The following HOXB2 variants were observed in gnomAD, a reference collection of about 807,000 sequenced individuals.
The protein encoded by HOXB2 is homeobox B2, also known as homeobox protein Hox-B2.
In HOXB2, 14 loss-of-function variants were observed where a neutral mutation model predicts 13.1. The observed-to-expected ratio is 1.07, with a 90% CI of 0.71 to 1.67. The LOEUF is 1.67. HOXB2 is among the 40% of genes most tolerant of loss of function. The pLI, the probability that HOXB2 is intolerant of heterozygous loss-of-function variation, is 0.00. For synonymous variants in HOXB2, 261 were observed against 233.1 expected (o/e 1.12, Z -1.09); for missense variants, 582 against 488.3 (o/e 1.19, Z -1.81).
At position 48,543,319 on chromosome 17, in the gene HOXB2, T is replaced by A. The variant is rs1567936362; in HGVS notation, c.820A>T (p.Ser274Cys). Residue 274 changes from serine (S) to cysteine (C), a missense_variant, in exon 2 of 2, where the codon AGT (serine) becomes TGT (cysteine). Transcript: ENST00000330070. ...AVRLEGAGAS[S>C]PGCALRGAGG... ...GCCCCGCGCAGCGCGCAGCCGGGAC[T>A]CGACGCGCCTGCGCCCTCTAAGCGA... 6.3e-7 allele frequency: 1 copy of A among 1,599,746 alleles called. No homozygotes were observed. The highest frequency in any genetic ancestry group is 1.7e-5 in the Admixed American group (1 of 58,664).
rs1456488218 is a variant in HOXB2, at chr17:48,543,223, C to T, written c.916G>A (p.Asp306Asn). 1.2e-6 allele frequency: 2 copies of T among 1,613,422 alleles called. No individual in the cohort carries two copies. The highest frequency in any genetic ancestry group is 8.5e-7 in the Non-Finnish European group (1 of 1,179,984). ...GAGTCGGCCGCGAAGAAGTTGAGGTCGGGAAGGAAAGGTGAATCCTGGCGC... is the reference window on the plus strand; with the variant it reads ...GAGTCGGCCGCGAAGAAGTTGAGGTTGGGAAGGAAAGGTGAATCCTGGCGC... ...SGRQDSPFLP[D>N]LNFFAADSCL... Residue 306 changes from aspartate (D) to asparagine (N), a missense_variant, in exon 2 of 2, where the codon GAC becomes AAC. Transcript: ENST00000330070.
chr17:48,543,691 A>G lies in HOXB2; in HGVS notation c.448T>C (p.Tyr150His), dbSNP rs754734332. Residue 150 changes from tyrosine (Y) to histidine (H), a missense_variant, in exon 2 of 2, where the codon TAC becomes CAC. Tyr to His is a moderately conservative substitution (Grantham distance 83, BLOSUM62 2). Coordinates refer to ENST00000330070, the MANE Select transcript of HOXB2 (RefSeq NM_002145.4). The part of the protein sequence containing the change: ...GGGARRLRTA[Y>H]TNTQLLELEK... The stretch of plus-strand genomic sequence containing the variant: ...AGTTCCAGCAGCTGCGTGTTGGTGT[A>G]AGCCGTGCGCAGCCTGCGCGCCCCG... 1 of 1,612,238 alleles carries G rather than the reference A, an allele frequency of 6.2e-7. No individual in the cohort carries two copies.
rs1951076086 is a variant in HOXB2, at chr17:48,544,816, A to C, written c.96T>G (p.Phe32Leu). The change falls in exon 1 of 2, where the codon TTT becomes TTG. Residue 32 changes from phenylalanine to leucine, a missense_variant. By Grantham distance (22) the Phe-to-Leu change is conservative (BLOSUM62 0). Coordinates refer to ENST00000330070, the MANE Select transcript of HOXB2 (RefSeq NM_002145.4). ...LTSFPAVLET[F>L]QTSSIKESTL... ...TCGACTCCTTGATTGATGAAGTTTGAAATGTCTCCAAGACAGCGGGGAAGG... is the reference window on the plus strand; with the variant it reads ...TCGACTCCTTGATTGATGAAGTTTGCAATGTCTCCAAGACAGCGGGGAAGG... The C allele has an allele frequency of 6.2e-7, 1 of 1,614,006 alleles. No individual in the cohort carries two copies. The highest frequency in any genetic ancestry group is 1.7e-5 in the Admixed American group (1 of 60,008).
In HOXB2 at chr17:48,543,295, C is replaced by T. The variant is rs1290018998; in HGVS notation, c.844G>A (p.Ala282Thr). The change falls in exon 2 of 2, where the codon GCC (alanine) becomes ACC (threonine). Residue 282 changes from alanine to threonine, a missense_variant. Physicochemically the swap from Ala to Thr is moderately conservative, Grantham distance 58. Coordinates refer to ENST00000330070, the MANE Select transcript of HOXB2 (RefSeq NM_002145.4). The stretch of plus-strand genomic sequence containing the variant: ...AATGGCCCGGGCTCCAGCCCGCCGG[C>T]CCCGCGCAGCGCGCAGCCGGGACTC... Reference protein sequence around the residue: ...ASSPGCALRGAGGLEPGPLPE... With the variant: ...ASSPGCALRGTGGLEPGPLPE... 1 of 1,603,264 alleles carries T rather than the reference C, an allele frequency of 6.2e-7. No homozygotes were observed. Among genetic ancestry groups the T allele is most frequent in the East Asian group, 2.2e-5 (1 of 44,764 alleles).
At position 48,542,768 on chromosome 17, in the gene HOXB2, A is replaced by T; in HGVS notation, c.*300T>A. The T allele has an allele frequency of 3.9e-6, 1 of 259,266 alleles. No individual in the cohort carries two copies. The highest frequency in any genetic ancestry group is 7.2e-6 in the Non-Finnish European group (1 of 138,900). 16.1% of individuals were successfully genotyped at this position (259,266 alleles called of 1,614,324 possible). ...AAATAATCTACAGTCTAAAACATAA[A>T]AAAGAGGAAAATAGGTCCCTCTAGT... On this transcript the variant is annotated 3_prime_UTR_variant, in exon 2 of 2. Transcript: ENST00000330070.
intron 1 of HOXB2, 31 bp downstream of exon 1, chr17:48,544,490 C>T (rs747606831): frequency 6.4e-7 from 1 of 1,574,024 alleles, no homozygotes; most frequent in Non-Finnish European, 8.6e-7. Context: ...TTCTAGCTGC[C>T]CCTCACCCCA....
At position 48,543,500 on chromosome 17, in the gene HOXB2, G is replaced by A. The variant is rs560031603; in HGVS notation, c.639C>T (p.Ala213=). 142 of 1,612,528 alleles carry A rather than the reference G, an allele frequency of 8.8e-5. 1 individual carries two copies. The East Asian group carries it at 1.1e-3, about 13-fold the overall frequency. The change falls in exon 2 of 2, where the codon GCC becomes GCT. Residue 213 remains alanine, a synonymous_variant. Transcript: ENST00000330070. The part of the protein sequence containing the change: ...QHREPPDGEP[A]CPGALEDICD... ...AGATGTCCTCCAGGGCTCCCGGGCA[G>A]GCAGGCTCCCCATCCGGCGGCTCTC...
rs1047493884 is a variant in HOXB2 at position 48,545,093 on chromosome 17, G to A, written c.-182C>T. On this transcript the variant is annotated 5_prime_UTR_variant, in exon 1 of 2. In the 5' UTR this introduces an upstream ATG that the reference lacks. Coordinates refer to ENST00000330070, the MANE Select transcript of HOXB2 (RefSeq NM_002145.4). ...TTGTATATTGCTGATAAATACAAGC[G>A]TATGGGGACTCTCTCTATTAAACCC... 4 of 533,284 alleles carry A rather than the reference G, an allele frequency of 7.5e-6. No homozygotes were observed. Among genetic ancestry groups the A allele is most frequent in the Non-Finnish European group, 1.3e-5 (4 of 309,724 alleles). 33.0% of individuals were successfully genotyped at this position (533,284 alleles called of 1,614,324 possible).
chr17:48,544,986 A>ACC lies in HOXB2; in HGVS notation c.-77_-76dup, dbSNP rs138169880. The ACC allele has an allele frequency of 1.2e-3, 1,336 of 1,130,844 alleles. 2 individuals carry two copies. Among genetic ancestry groups the ACC allele is most frequent in the African/African-American group, 4.4e-3 (265 of 60,030 alleles). 70.1% of individuals were successfully genotyped at this position (1,130,844 alleles called of 1,614,324 possible). On this transcript the variant is annotated 5_prime_UTR_variant, in exon 1 of 2. Transcript: ENST00000330070. The stretch of plus-strand genomic sequence containing the variant: ...GGATCGGAAGGGACCCCCCTCCTGC[A>ACC]CCCCCCCCGATTTATGTAATGGAGC...
Position 48,542,731 on chromosome 17 carries a change from A to T in HOXB2, c.*337T>A. 1 of 189,750 alleles carries T rather than the reference A, an allele frequency of 5.3e-6. No individual in the cohort carries two copies. The highest frequency in any genetic ancestry group is 1.1e-5 in the Non-Finnish European group (1 of 93,368). 11.8% of individuals were successfully genotyped at this position (189,750 alleles called of 1,614,324 possible). ...ATACTTTCCCCTTTTCCTATTATTA[A>T]AGAATTTTAATAAATAATCTACAGT... On this transcript the variant is annotated 3_prime_UTR_variant, in exon 2 of 2. Coordinates refer to ENST00000330070, the MANE Select transcript of HOXB2 (RefSeq NM_002145.4).
Position 48,544,610 on chromosome 17 carries a change from TTC to T in HOXB2, c.300_301del (p.Lys101GlufsTer64), listed in dbSNP as rs775562631. ...TTGGCTGGGTTTCTTGGCGGATTTC[TTC>T]TCTTTCATCCAAGGGAACTCGGGGG... On this transcript the variant is annotated frameshift_variant, in exon 1 of 2. Coordinates refer to ENST00000330070, the MANE Select transcript of HOXB2 (RefSeq NM_002145.4). LOFTEE classifies it high-confidence loss of function. 4.3e-6 allele frequency: 7 copies of T among 1,610,592 alleles called. No homozygotes were observed. The highest frequency in any genetic ancestry group is 4.2e-6 in the Non-Finnish European group (5 of 1,179,918).
In HOXB2 at chr17:48,543,176, G is replaced by GC; in HGVS notation, c.962dup (p.Leu322ProfsTer4). 6.2e-7 allele frequency: 1 copy of GC among 1,613,938 alleles called. No homozygotes were observed. Among genetic ancestry groups the GC allele is most frequent in the Non-Finnish European group, 8.5e-7 (1 of 1,180,000 alleles). ...GAGAACCCTGTAGGCTAGGGGAGAG[G>GC]CCTCCGGATAGCTGGAGACAGGAGT... On this transcript the variant is annotated frameshift_variant, in exon 2 of 2. Transcript: ENST00000330070. LOFTEE classifies it high-confidence loss of function.
chr17:48,543,510 C>A lies in HOXB2; in HGVS notation c.629G>T (p.Gly210Val). 2 of 1,612,704 alleles carry A rather than the reference C, an allele frequency of 1.2e-6. No individual in the cohort carries two copies. The highest frequency in any genetic ancestry group is 1.7e-6 in the Non-Finnish European group (2 of 1,179,930). ...CAGGGCTCCCGGGCAGGCAGGCTCC[C>A]CATCCGGCGGCTCTCGGTGCTGCGT... is the stretch of plus-strand genomic sequence containing the variant. ...RQTQHREPPD[G>V]EPACPGALED... The change falls in exon 2 of 2, where the codon GGG becomes GTG. Residue 210 changes from glycine to valine, a missense_variant. Physicochemically the swap from Gly to Val is moderately radical, Grantham distance 109. Transcript: ENST00000330070.
chr17:48,542,976 A>T lies in HOXB2; in HGVS notation c.*92T>A. 1.0e-6 allele frequency: 1 copy of T among 968,774 alleles called. No homozygotes were observed. Among genetic ancestry groups the T allele is most frequent in the Non-Finnish European group, 1.5e-6 (1 of 657,974 alleles). 60.0% of individuals were successfully genotyped at this position (968,774 alleles called of 1,614,324 possible). On this transcript the variant is annotated 3_prime_UTR_variant, in exon 2 of 2. Transcript: ENST00000330070. ...ATACCTGAATTTTAGCAAAACACATAAGTCTATGCGACTGAGGGTGGGAGA... is the reference window on the plus strand; with the variant it reads ...ATACCTGAATTTTAGCAAAACACATTAGTCTATGCGACTGAGGGTGGGAGA...
chr17:48,544,377 G>A, intron 1 of HOXB2, 144 bp downstream of exon 1: 1 of 1,436,982 alleles, frequency 7.0e-7, no homozygotes, highest in South Asian at 1.5e-5. Context: ...GAACCCCAGT[G>A]GGATATTCTA....
chr17:48,544,947 G>A lies in HOXB2; in HGVS notation c.-36C>T. Reference sequence around the variant, plus strand: ...GGTGGGGGAGGGGGCTGCTGGGGGGGGCGTCAGGAGGGAGGATCGGAAGGG... The same window carrying A: ...GGTGGGGGAGGGGGCTGCTGGGGGGAGCGTCAGGAGGGAGGATCGGAAGGG... On this transcript the variant is annotated 5_prime_UTR_variant, in exon 1 of 2. Transcript: ENST00000330070. 2.2e-6 allele frequency: 3 copies of A among 1,350,934 alleles called. No individual in the cohort carries two copies. The highest frequency in any genetic ancestry group is 3.0e-6 in the Non-Finnish European group (3 of 1,005,108). 83.7% of individuals were successfully genotyped at this position (1,350,934 alleles called of 1,614,324 possible).
In HOXB2 at chr17:48,543,769, C is replaced by T. The variant is rs778600205; in HGVS notation, c.392-22G>A. On this transcript the variant is annotated intron_variant, in intron 1 of 1. Transcript: ENST00000330070. ...CCATCTGCAGGGAAAACAGGCTCGGCGTCATAGCGGGCCGTGTACTCAGCC... is the reference window on the plus strand; with the variant it reads ...CCATCTGCAGGGAAAACAGGCTCGGTGTCATAGCGGGCCGTGTACTCAGCC... 3.2e-6 allele frequency: 5 copies of T among 1,569,476 alleles called. No homozygotes were observed. The Admixed American group carries it at 5.2e-5, about 16-fold the overall frequency.
Position 48,544,408 on chromosome 17 carries a change from A to AG in HOXB2, c.391+112dup, listed in dbSNP as rs1219971768. ...TTCTACTTCCCCATCCCAGGAATGG[A>AG]GGGGGTAAGGAACCCCAACAGGCTC... On this transcript the variant is annotated intron_variant, in intron 1 of 1. Coordinates refer to ENST00000330070, the MANE Select transcript of HOXB2 (RefSeq NM_002145.4). 2.7e-5 allele frequency: 39 copies of AG among 1,445,294 alleles called. No homozygotes were observed. The Middle Eastern group carries it at 2.8e-3, about 104-fold the overall frequency. 89.5% of individuals were successfully genotyped at this position (1,445,294 alleles called of 1,614,324 possible).
Position 48,543,099 on chromosome 17 carries a change from G to A in HOXB2, c.1040C>T (p.Thr347Met), listed in dbSNP as rs2068515602. ...SEEELDFFTS[T>M]LCAIDLQFP ...AAACTGCAGGTCGATGGCACAGAGCGTACTGGTGAAAAAATCCAGCTCTTC... is the reference window on the plus strand; with the variant it reads ...AAACTGCAGGTCGATGGCACAGAGCATACTGGTGAAAAAATCCAGCTCTTC... Residue 347 changes from threonine to methionine, a missense_variant, in exon 2 of 2, where the codon ACG becomes ATG. Transcript: ENST00000330070. 6.2e-7 allele frequency: 1 copy of A among 1,612,510 alleles called. No homozygotes were observed. Among genetic ancestry groups the A allele is most frequent in the Non-Finnish European group, 8.5e-7 (1 of 1,179,484 alleles).
Sources: allele counts gnomAD v4.1 joint callset, GRCh38; gene constraint gnomAD v4.1.1; transcripts MANE v1.5; gene names NCBI Gene and HGNC (gene_info 2026-07-23, HGNC 2026-07-21).